Variants in CFAP61 observed in about 807,000 individuals in gnomAD.
The protein encoded by CFAP61 is cilia- and flagella-associated protein 61.
In CFAP61, 107 loss-of-function variants were observed where a neutral mutation model predicts 135.6. The ratio of observed to expected loss-of-function variants is 0.79; its 90% confidence interval spans 0.67 to 0.93. The LOEUF (loss-of-function observed/expected upper bound fraction) is 0.93. Among genes scored for constraint, CFAP61 ranks in the 40% least tolerant of loss-of-function variants. The pLI, the probability that CFAP61 is intolerant of heterozygous loss-of-function variation, is 0.00. For synonymous variants in CFAP61, 575 were observed against 578.5 expected (o/e 0.99, Z 0.09); for missense variants, 1,507 against 1,556.2 (o/e 0.97, Z 0.53).
chr20:20,265,878 GACA>G (rs1383917516), intron 21 of CFAP61: 3 of 188,638 alleles, frequency 1.6e-5, no homozygotes, highest in African/African-American at 7.1e-5. Flanking sequence ...GTCATACTCA[GACA>G]TAACTTTAGT....
At chr20:20,156,340 G>A (rs2052907637) in intron 9 of CFAP61, among the ~76,000 whole-genome samples, 1 of 151,988 alleles carries the variant, frequency 6.6e-6, no homozygotes, top group Admixed American at 6.6e-5. Flanking sequence ...AAAGACATTT[G>A]AAAATCTAAC....
At chr20:20,353,321 G>T (rs1430671473) in intron 26 of CFAP61, among the ~76,000 whole-genome samples, 1 of 152,144 alleles carries the variant, frequency 6.6e-6, no homozygotes. Context: ...ATGTCTAAAT[G>T]GTCCCAGTGT....
chr20:20,156,070 C>A (rs1042954013), intron 9 of CFAP61, among the ~76,000 whole-genome samples: 1 of 152,028 alleles, frequency 6.6e-6, no homozygotes, highest in Non-Finnish European at 1.5e-5. Flanking sequence ...ACAGTATACA[C>A]TGCTTGGATG....
At chr20:20,198,413 T>C (rs1161286812) in intron 16 of CFAP61, among the ~76,000 whole-genome samples, 3 of 152,250 alleles carry the variant, frequency 2.0e-5, no homozygotes, top group African/African-American at 7.2e-5. Flanking sequence ...TTTATACATT[T>C]ACCTCAATAG....
intron 9 of CFAP61, among the ~76,000 whole-genome samples, chr20:20,150,186 T>C (rs1311344175): frequency 6.7e-6 from 1 of 149,588 alleles, no homozygotes; most frequent in African/African-American, 2.5e-5. Context: ...CCCCCTACAC[T>C]CCAAAGTGGC....
At chr20:20,192,935 A>T (rs1462420298) in intron 15 of CFAP61, among the ~76,000 whole-genome samples, 1 of 151,814 alleles carries the variant, frequency 6.6e-6, no homozygotes, top group Non-Finnish European at 1.5e-5. Flanking sequence ...CACAGCCATC[A>T]CCTCCACCCT....
chr20:20,294,650 C>T (rs1471929762), intron 24 of CFAP61, among the ~76,000 whole-genome samples: 2 of 152,250 alleles, frequency 1.3e-5, no homozygotes, highest in African/African-American at 4.8e-5. Flanking sequence ...ACCAAAAGGT[C>T]GGGCGCGGTG....
intron 3 of CFAP61, 140 bp from the exon 4 acceptor site, chr20:20,074,162 A>G (rs2045904816): frequency 1.4e-6 from 1 of 694,462 alleles, no homozygotes; most frequent in Non-Finnish European, 2.6e-6. Flanking sequence ...TGGGTGTTGC[A>G]TCACTTAGAC....
intron 21 of CFAP61, among the ~76,000 whole-genome samples, chr20:20,270,590 A>C (rs1157992648): frequency 6.6e-6 from 1 of 151,656 alleles, no homozygotes; most frequent in Non-Finnish European, 1.5e-5. Flanking sequence ...ACTCTTACAT[A>C]CTGCCTTTAG....
chr20:20,346,051 G>A (rs966228308), intron 26 of CFAP61, among the ~76,000 whole-genome samples: 5 of 139,878 alleles, frequency 3.6e-5, no homozygotes, highest in African/African-American at 1.3e-4. Flanking sequence ...ACAGGCGCCC[G>A]CCACCGCGCC....
chr20:20,249,407 C>T (rs1569189856), intron 19 of CFAP61, among the ~76,000 whole-genome samples: 1 of 152,158 alleles, frequency 6.6e-6, no homozygotes, highest in East Asian at 1.9e-4. Context: ...GGTATGGTAG[C>T]TTGCACCTAT....
intron 26 of CFAP61, among the ~76,000 whole-genome samples, chr20:20,345,962 C>T (rs1184758369): frequency 3.8e-4 from 46 of 121,840 alleles, no homozygotes; most frequent in Middle Eastern, 4.9e-3. Context: ...ACTGCAGTGG[C>T]GCAATCTCGG....
intron 10 of CFAP61, among the ~76,000 whole-genome samples, chr20:20,163,287 C>T (rs2053549835): frequency 6.6e-6 from 1 of 152,162 alleles, no homozygotes; most frequent in African/African-American, 2.4e-5. Context: ...TAAACCAAGA[C>T]AGAACAGCCT....
chr20:20,117,319 G>T (rs2049220625), intron 8 of CFAP61, among the ~76,000 whole-genome samples: 1 of 151,926 alleles, frequency 6.6e-6, no homozygotes, highest in Non-Finnish European at 1.5e-5. Flanking sequence ...ACTCCAGCCT[G>T]GGCAACAGAG....
At chr20:20,306,344 A>G (rs1008501773) in intron 25 of CFAP61, among the ~76,000 whole-genome samples, 7 of 152,230 alleles carry the variant, frequency 4.6e-5, no homozygotes, top group Non-Finnish European at 7.3e-5. Flanking sequence ...CCATGAAAAT[A>G]TCACTTGGCA....
intron 8 of CFAP61, among the ~76,000 whole-genome samples, chr20:20,110,473 C>A (rs773844422): frequency 6.6e-6 from 1 of 151,944 alleles, no homozygotes; most frequent in Non-Finnish European, 1.5e-5. Flanking sequence ...GATTAGAATG[C>A]GGAAACAAAA....
At chr20:20,065,964 T>A (rs181134804) in intron 2 of CFAP61, among the ~76,000 whole-genome samples, 141 of 149,802 alleles carry the variant, frequency 9.4e-4, no homozygotes, top group African/African-American at 3.4e-3. Context: ...GAAAATCTTT[T>A]GTACAAAGAA....
chr20:20,107,154 CT>C (rs2048467345), intron 8 of CFAP61, among the ~76,000 whole-genome samples: 1 of 152,142 alleles, frequency 6.6e-6, no homozygotes, highest in Non-Finnish European at 1.5e-5. Context: ...TTTGATGATT[CT>C]TAAAATATCA....
Position 20,073,350 on chromosome 20 carries a change from G to A in CFAP61, c.295-952G>A, listed in dbSNP as rs375294534. Among the ~76,000 whole-genome samples, 13 of 152,284 alleles carry A rather than the reference G, an allele frequency of 8.5e-5. 1 individual carries two copies. The highest frequency in any genetic ancestry group is 3.1e-4 in the African/African-American group (13 of 41,554). ...TGAATCAAAACATGGTTTTCCTCTT[G>A]CGCTTTTAGTCACCGTACAATTCTT... On this transcript the variant is annotated intron_variant, in intron 3 of 26. Coordinates refer to ENST00000245957, the MANE Select transcript of CFAP61 (RefSeq NM_015585.4).
Sources: gnomAD v4.1 joint callset for allele counts (sites outside exome capture counted in the v4.1 genomes callset) on GRCh38, gnomAD v4.1.1 for gene constraint, MANE v1.5 for transcripts, NCBI Gene and HGNC (gene_info 2026-07-23, HGNC 2026-07-21) for gene names.